The following PAXIP1 variants were observed in gnomAD, a reference collection of about 807,000 sequenced individuals.
The protein encoded by PAXIP1 is PAX interacting protein 1.
In PAXIP1, 19 loss-of-function variants were observed where a neutral mutation model predicts 140.6. The observed-to-expected ratio is 0.14, with a 90% CI of 0.09 to 0.20. The LOEUF is 0.20. Among genes scored for constraint, PAXIP1 ranks in the 10% least tolerant of loss-of-function variants. PAXIP1 has a pLI of 1.00. For synonymous variants in PAXIP1, 442 were observed against 444.6 expected (o/e 0.99, Z 0.07); for missense variants, 920 against 1,208.6 (o/e 0.76, Z 3.54).
chr7:154,968,254 C>G, intron 7 of PAXIP1, 149 bp downstream of exon 7: 1 of 667,884 alleles, frequency 1.5e-6, no homozygotes, highest in Non-Finnish European at 2.5e-6. Flanking sequence ...CCCATGGTAA[C>G]TATATTCTTT....
intron 7 of PAXIP1, 134 bp downstream of exon 7, chr7:154,968,269 G>T (rs1043743477): frequency 7.1e-6 from 5 of 704,934 alleles, no homozygotes; most frequent in Non-Finnish European, 1.2e-5. Context: ...TTCTTTGTTA[G>T]GTATGAGACT....
intron 2 of PAXIP1, 92 bp from the exon 3 acceptor site, chr7:154,993,861 G>A: frequency 1.1e-6 from 1 of 889,252 alleles, no homozygotes; most frequent in South Asian, 1.5e-5. Context: ...AAAAGTCTCT[G>A]TTACAACCTA....
intron 4 of PAXIP1, among the ~76,000 whole-genome samples, chr7:154,989,997 T>C (rs1225601122): frequency 4.6e-5 from 7 of 152,114 alleles, no homozygotes; most frequent in South Asian, 2.1e-4. Flanking sequence ...GGCACCTTTA[T>C]GTGTCAGTCT....
At position 154,946,982 on chromosome 7, in the gene PAXIP1, C is replaced by T. The variant is rs1808011815; in HGVS notation, c.2923-169G>A. On this transcript the variant is annotated intron_variant, in intron 17 of 20. Coordinates refer to ENST00000404141, the MANE Select transcript of PAXIP1 (RefSeq NM_007349.4). This position sits in a 1 kb window ranked among gnomAD's most constrained non-coding sequence, Gnocchi z 4.9. ...CTCAATCTGAAGTGGAAGAGGAATC[C>T]AGCTATGTAAATTTGGAATGTAAGC... 1 of 522,418 alleles carries T rather than the reference C, an allele frequency of 1.9e-6. No homozygotes were observed. The highest frequency in any genetic ancestry group is 3.4e-6 in the Non-Finnish European group (1 of 297,812). 32.4% of individuals were successfully genotyped at this position (522,418 alleles called of 1,614,324 possible). A position where few individuals can be genotyped will look rare whatever the true frequency, so the allele number is the denominator to read the frequency against.
chr7:154,994,708 C>T (rs1260944771), intron 2 of PAXIP1, among the ~76,000 whole-genome samples: 1 of 152,208 alleles, frequency 6.6e-6, no homozygotes, highest in East Asian at 1.9e-4. Context: ...TAAAATTTTT[C>T]AGCATAACTC....
chr7:154,994,810 T>C (rs1810497995), intron 2 of PAXIP1, among the ~76,000 whole-genome samples: 1 of 152,226 alleles, frequency 6.6e-6, no homozygotes, highest in Admixed American at 6.5e-5. Context: ...AATTACTTCA[T>C]TATGATTTGA....
intron 2 of PAXIP1, among the ~76,000 whole-genome samples, chr7:154,994,935 T>C (rs1043615027): frequency 6.6e-6 from 1 of 152,194 alleles, no homozygotes; most frequent in Admixed American, 6.5e-5. Context: ...TTTTTGATAG[T>C]CCTAGAAAAA....
Position 154,989,747 on chromosome 7 carries a change from A to G in PAXIP1, c.324+1259T>C, listed in dbSNP as rs146758127. ...ACCACTGTTAACATTTTGGTTTCTC[A>G]TTTCAGATATTTTATCTGGCTGGTG... On this transcript the variant is annotated intron_variant, in intron 4 of 20. Transcript: ENST00000404141. Among the ~76,000 whole-genome samples, 803 of 152,328 alleles carry G rather than the reference A, an allele frequency of 5.3e-3. 5 individuals are homozygous for G. Among genetic ancestry groups the G allele is most frequent in the African/African-American group, 0.018 (761 of 41,576 alleles).
At chr7:154,964,066 G>A (rs1262148832) in intron 8 of PAXIP1, 5 of 351,454 alleles carry the variant, frequency 1.4e-5, no homozygotes, top group Non-Finnish European at 2.7e-5. Flanking sequence ...AGGGAGTTCT[G>A]GGAAGTGGGG....
chr7:154,963,753 T>C lies in PAXIP1; in HGVS notation c.1907A>G (p.His636Arg), dbSNP rs1355623292. 3.7e-6 allele frequency: 6 copies of C among 1,612,592 alleles called. No homozygotes were observed. The highest frequency in any genetic ancestry group is 3.4e-6 in the Non-Finnish European group (4 of 1,179,230). ...GAAGGTGGGGTCAACAGTGCCGCCA[T>C]GTGCCTGGATTATCTACACACAAAG... ...LATWKRIIQA[H>R]GGTVDPTFTS... The change falls in exon 9 of 21, where the codon CAT (histidine) becomes CGT (arginine). Residue 636 changes from histidine to arginine, a missense_variant. Around this residue, in one of 5 missense-constraint regions of PAXIP1, gnomAD observed 62 missense variants for 69.0 expected, o/e 0.90. Transcript: ENST00000404141. This position sits in a 1 kb window ranked among gnomAD's most constrained non-coding sequence, Gnocchi z 4.1.
intron 5 of PAXIP1, among the ~76,000 whole-genome samples, chr7:154,981,387 A>C (rs1809837424): frequency 6.6e-6 from 1 of 152,108 alleles, no homozygotes; most frequent in Non-Finnish European, 1.5e-5. Flanking sequence ...ATAGTAGTTC[A>C]TTTTTCCCTA....
Position 154,963,710 on chromosome 7 carries a change from G to A in PAXIP1, c.1950C>T (p.His650=). ...TGCTGACTTGACTCTCACAGAGAAG[G>A]TGCGTGCATCGACTCGTGAAGGTGG... ...VDPTFTSRCT[H]LLCESQVSSA... is the part of the protein sequence containing the mutation. The change falls in exon 9 of 21, where the codon CAC becomes CAT. Residue 650 remains histidine, a synonymous_variant. Transcript: ENST00000404141. This position sits in a 1 kb window ranked among gnomAD's most constrained non-coding sequence, Gnocchi z 4.1. 1.2e-6 allele frequency: 2 copies of A among 1,613,670 alleles called. No individual in the cohort carries two copies. The highest frequency in any genetic ancestry group is 1.7e-6 in the Non-Finnish European group (2 of 1,179,778).
Position 154,947,884 on chromosome 7 carries a change from C to A in PAXIP1, c.2922+19G>T, listed in dbSNP as rs1808071685. 9 of 1,545,934 alleles carry A rather than the reference C, an allele frequency of 5.8e-6. No homozygotes were observed. Among genetic ancestry groups the A allele is most frequent in the Non-Finnish European group, 8.1e-6 (9 of 1,117,740 alleles). On this transcript the variant is annotated intron_variant, in intron 17 of 20. Coordinates refer to ENST00000404141, the MANE Select transcript of PAXIP1 (RefSeq NM_007349.4). ...TGTTATGCTTACTTGGACTGATTTACTTTTCCCTTAAAGTGTACCTTAAAG... is the reference window on the plus strand; with the variant it reads ...TGTTATGCTTACTTGGACTGATTTAATTTTCCCTTAAAGTGTACCTTAAAG...
chr7:154,979,657 AT>A (rs1809752862), intron 5 of PAXIP1, among the ~76,000 whole-genome samples: 1 of 150,610 alleles, frequency 6.6e-6, no homozygotes, highest in African/African-American at 2.4e-5. Context: ...TATGTTAATT[AT>A]AATGTAAATA....
intron 5 of PAXIP1, 74 bp from the exon 6 acceptor site, chr7:154,976,405 G>T: frequency 6.6e-7 from 1 of 1,506,652 alleles, no homozygotes; most frequent in South Asian, 1.4e-5. Flanking sequence ...ACGCATTTTA[G>T]AAAAAACTCA....
chr7:154,972,403 C>T (rs752302510), intron 6 of PAXIP1, among the ~76,000 whole-genome samples: 1 of 152,164 alleles, frequency 6.6e-6, no homozygotes, highest in East Asian at 1.9e-4. Context: ...GCAAGAGAAT[C>T]GCCTAAACCA....
chr7:155,002,912 G>T lies in PAXIP1; in HGVS notation c.18C>A (p.Pro6=). The change falls in exon 1 of 21, where the codon CCC becomes CCA. Residue 6 remains proline, a synonymous_variant. Transcript: ENST00000404141. MSDQA[P]KVPEEMFREV... is the part of the protein sequence containing the mutation. ...CCCTGAACATCTCCTCAGGAACTTT[G>T]GGCGCCTGGTCCGACATGATCGCGG... 1.5e-6 allele frequency: 2 copies of T among 1,372,580 alleles called. No individual in the cohort carries two copies. Among genetic ancestry groups the T allele is most frequent in the Non-Finnish European group, 9.6e-7 (1 of 1,038,872 alleles). 85.0% of individuals were successfully genotyped at this position (1,372,580 alleles called of 1,614,324 possible).
intron 7 of PAXIP1, 88 bp from the exon 8 acceptor site, chr7:154,967,998 A>G (rs1809098867): frequency 1.3e-6 from 1 of 782,056 alleles, no homozygotes; most frequent in South Asian, 1.7e-5. Flanking sequence ...CACAATGTCA[A>G]TCTGTTATGT....
chr7:154,968,088 C>T (rs1809103540), intron 7 of PAXIP1, among the ~76,000 whole-genome samples, 178 bp from the exon 8 acceptor site: 1 of 152,168 alleles, frequency 6.6e-6, no homozygotes, highest in Non-Finnish European at 1.5e-5. Flanking sequence ...ATTTAACTGT[C>T]TACATCAAAT....
Sources: allele counts gnomAD v4.1 joint callset (sites outside exome capture counted in the v4.1 genomes callset), GRCh38; gene constraint gnomAD v4.1.1; regional missense constraint gnomAD v4.1.1; non-coding constraint Gnocchi (gnomAD v3.1); transcripts MANE v1.5; gene names NCBI Gene and HGNC (gene_info 2026-07-23, HGNC 2026-07-21).